Variants in PLA2G4E observed in about 807,000 individuals in gnomAD.
The protein encoded by PLA2G4E is cytosolic phospholipase A2 epsilon.
In PLA2G4E, 84 loss-of-function variants were observed where a neutral mutation model predicts 109.1. The ratio of observed to expected loss-of-function variants is 0.77; its 90% CI spans 0.65 to 0.92. The LOEUF (loss-of-function observed/expected upper bound fraction) is 0.92, where lower values mean the gene tolerates loss of function less well. Among genes scored for constraint, PLA2G4E ranks in the 40% least tolerant of loss-of-function variants. The probability of loss-of-function intolerance (pLI) is 0.00; values close to 1 mark genes in which losing one functional copy is unlikely to be tolerated. For synonymous variants in PLA2G4E, 469 were observed against 436.1 expected, an observed-to-expected ratio of 1.08 and a Z score of -0.94; for missense variants, 1,057 against 1,076.6, an observed-to-expected ratio of 0.98 and a Z score of 0.25.
At chr15:42,050,038 T>C (rs1385853722) in intron 1 of PLA2G4E, among the ~76,000 whole-genome samples, 1 of 152,188 alleles carries the variant, frequency 6.6e-6, no homozygotes, top group Non-Finnish European at 1.5e-5. Flanking sequence ...TCGCATGGAA[T>C]TACACTTACG....
chr15:42,028,842 G>A (rs1429235242), intron 1 of PLA2G4E, among the ~76,000 whole-genome samples: 2 of 152,052 alleles, frequency 1.3e-5, no homozygotes, highest in African/African-American at 2.4e-5. Context: ...AGCTTCTCTG[G>A]GTAAGATGAG....
rs2141065676 is a variant in PLA2G4E, at chr15:42,021,487, G to A, written c.184-7730C>T. Among the ~76,000 whole-genome samples, 5 of 151,718 alleles carry A rather than the reference G, an allele frequency of 3.3e-5. 1 individual carries two copies. On this transcript the variant is annotated intron_variant, in intron 1 of 19. Coordinates refer to ENST00000399518, the Ensembl canonical transcript of PLA2G4E. ...TTGGTACCCCAGGAGCTGTGGCCAGGGACCTTCATGGGGTCCCTGGCCACA... is the reference window on the plus strand; with the variant it reads ...TTGGTACCCCAGGAGCTGTGGCCAGAGACCTTCATGGGGTCCCTGGCCACA...
chr15:41,997,258 G>T, exon 11 of PLA2G4E: 1 of 1,543,772 alleles, frequency 6.5e-7, no homozygotes, highest in South Asian at 1.2e-5. Flanking sequence ...AGTGTCTCAG[G>T]GCTGGAGGGA....
At chr15:42,024,769 G>A (rs1178828835) in intron 1 of PLA2G4E, among the ~76,000 whole-genome samples, 6 of 152,070 alleles carry the variant, frequency 3.9e-5, no homozygotes, top group African/African-American at 1.2e-4. Flanking sequence ...AGCACCTAAC[G>A]CTTTTCCAGT....
chr15:41,996,693 G>A (rs971632602), intron 11 of PLA2G4E, among the ~76,000 whole-genome samples: 8 of 152,246 alleles, frequency 5.3e-5, no homozygotes, highest in African/African-American at 7.2e-5. Context: ...GCTTCCTAGC[G>A]CTGTTATTTC....
chr15:42,025,801 A>T (rs1480054744), intron 1 of PLA2G4E, among the ~76,000 whole-genome samples: 1 of 152,234 alleles, frequency 6.6e-6, no homozygotes, highest in Non-Finnish European at 1.5e-5. Flanking sequence ...CTCTGTCAGA[A>T]AGGATGGACC....
intron 1 of PLA2G4E, among the ~76,000 whole-genome samples, chr15:42,016,241 C>CA (rs1309226489): frequency 2.9e-5 from 3 of 104,692 alleles, no homozygotes; most frequent in African/African-American, 7.4e-5. Context: ...TTTATCTTTA[C>CA]TTTTTTTTTT....
intron 8 of PLA2G4E, 47 bp downstream of exon 8, chr15:42,000,057 A>G (rs1346757873): frequency 7.7e-6 from 12 of 1,566,562 alleles, no homozygotes; most frequent in Non-Finnish European, 1.0e-5. Flanking sequence ...GGCACCCCCC[A>G]CCTGTCCCAG....
At position 41,986,023 on chromosome 15, in the gene PLA2G4E, C is replaced by G; in HGVS notation, c.2036-18G>C. 6.3e-7 allele frequency: 1 copy of G among 1,576,382 alleles called. No individual in the cohort carries two copies. Among genetic ancestry groups the G allele is most frequent in the Non-Finnish European group, 8.6e-7 (1 of 1,159,560 alleles). On this transcript the variant is annotated intron_variant, in intron 17 of 19. Coordinates refer to ENST00000399518, the Ensembl canonical transcript of PLA2G4E. The stretch of plus-strand genomic sequence containing the variant: ...CACTGTGTCTGAAAGCCAAGCCTTC[C>G]CGTTACCAACACACCTGGTGCCCTG...
chr15:41,993,099 A>C, intron 12 of PLA2G4E, 140 bp from the exon 13 acceptor site: 1 of 693,138 alleles, frequency 1.4e-6, no homozygotes, highest in Non-Finnish European at 2.4e-6. Flanking sequence ...GGGGTGAGGC[A>C]GAGACCTGGC....
intron 7 of PLA2G4E, among the ~76,000 whole-genome samples, chr15:42,000,946 G>A (rs1337682589): frequency 6.6e-6 from 1 of 152,208 alleles, no homozygotes; most frequent in Admixed American, 6.5e-5. Flanking sequence ...AAGGTTATGT[G>A]GGTGCTTGGG....
rs550716509 is a variant in PLA2G4E at position 41,995,639 on chromosome 15, T to A, written c.1111-143A>T. 221 of 1,013,282 alleles carry A rather than the reference T, an allele frequency of 2.2e-4. 3 individuals are homozygous for A. The South Asian group carries it at 3.3e-3, about 15-fold the overall frequency. The allele number at this position is 1,013,282 out of a possible 1,614,324, so 62.8% of individuals were successfully genotyped here. On this transcript the variant is annotated intron_variant, in intron 11 of 19. Transcript: ENST00000399518. ...GCAGGGAGTGCGGCGTTGAGCCACC[T>A]GACACCTGCCTTTCCACAGAGCAGT...
At chr15:41,992,566 A>G (rs922807787) in intron 13 of PLA2G4E, among the ~76,000 whole-genome samples, 171 bp downstream of exon 13, 4 of 152,012 alleles carry the variant, frequency 2.6e-5, no homozygotes, top group African/African-American at 9.7e-5. Context: ...CAATCCCACC[A>G]CCTTCCTCCG....
chr15:42,027,518 C>T (rs747573052), intron 1 of PLA2G4E, among the ~76,000 whole-genome samples: 3 of 152,316 alleles, frequency 2.0e-5, no homozygotes, highest in Middle Eastern at 3.4e-3. Flanking sequence ...TATTGCCTAA[C>T]GGATCTCCCT....
intron 12 of PLA2G4E, among the ~76,000 whole-genome samples, chr15:41,993,902 C>T (rs1051505229): frequency 5.7e-4 from 87 of 152,274 alleles, no homozygotes; most frequent in African/African-American, 2.0e-3. Context: ...TAAAAGAATA[C>T]GACTTGTGCT....
intron 1 of PLA2G4E, among the ~76,000 whole-genome samples, chr15:42,026,018 G>A (rs1019189364): frequency 1.1e-4 from 17 of 152,126 alleles, no homozygotes; most frequent in African/African-American, 4.1e-4. Flanking sequence ...GGGAAATATT[G>A]TCAGTTTTGA....
chr15:41,988,291 T>C (rs576897903), intron 15 of PLA2G4E, 135 bp from the exon 16 acceptor site: 1 of 605,682 alleles, frequency 1.7e-6, no homozygotes, highest in African/African-American at 2.0e-5. Context: ...ACTTCAGACT[T>C]CCATGTCCTT....
intron 19 of PLA2G4E, 130 bp from the exon 20 acceptor site, chr15:41,984,104 A>T: frequency 1.2e-6 from 1 of 834,550 alleles, no homozygotes; most frequent in Non-Finnish European, 1.9e-6. Context: ...ACCTGTACAC[A>T]CGCACACCCT....
chr15:42,002,777 G>A, intron 5 of PLA2G4E, 81 bp from the exon 6 acceptor site: 1 of 1,268,306 alleles, frequency 7.9e-7, no homozygotes, highest in East Asian at 2.5e-5. Context: ...GGAATAAATA[G>A]GGTCAATAAC....
Sources: allele counts gnomAD v4.1 joint callset (sites outside exome capture counted in the v4.1 genomes callset), GRCh38; gene constraint gnomAD v4.1.1; transcripts MANE v1.5; gene names NCBI Gene and HGNC (gene_info 2026-07-23, HGNC 2026-07-21).